The following GRM7 variants were observed in gnomAD, a reference collection of about 807,000 sequenced individuals.
GRM7 encodes the protein metabotropic glutamate receptor 7.
In GRM7, 35 loss-of-function variants were observed where a neutral mutation model predicts 84.5. The ratio of observed to expected loss-of-function variants is 0.41; its 90% CI spans 0.32 to 0.55. The LOEUF (loss-of-function observed/expected upper bound fraction) is 0.55. Among genes scored for constraint, GRM7 ranks in the 20% least tolerant of loss-of-function variants. The pLI is 0.19. For synonymous variants in GRM7, 487 were observed against 455.1 expected (o/e 1.07, Z -0.89); for missense variants, 1,003 against 1,194.6 (o/e 0.84, Z 2.36).
chr3:7,656,547 GCACACACACACACA>G (rs36040422), intron 8 of GRM7, among the ~76,000 whole-genome samples: 7 of 139,252 alleles, frequency 5.0e-5, no homozygotes, highest in African/African-American at 1.2e-4. Flanking sequence ...ATACGCGCGC[GCACACACACACACA>G]CACACACACA....
chr3:7,366,196 A>T lies in GRM7; in HGVS notation c.1034-48827A>T, dbSNP rs114147598. Among the ~76,000 whole-genome samples the T allele has an allele frequency of 6.1e-3, 933 of 151,894 alleles. 6 individuals carry two copies. Among genetic ancestry groups the T allele is most frequent in the African/African-American group, 0.021 (881 of 41,528 alleles). ...AAAAGGACTTTAACAGCCAACCCTC[A>T]TGTGTAATAGCCTAGATCTGGATTC... On this transcript the variant is annotated intron_variant, in intron 4 of 9. Coordinates refer to ENST00000357716, the MANE Select transcript of GRM7 (RefSeq NM_000844.4).
chr3:6,886,085 ATAG>A (rs1695681522), intron 1 of GRM7, among the ~76,000 whole-genome samples: 1 of 135,746 alleles, frequency 7.4e-6, no homozygotes, highest in Admixed American at 7.5e-5. Context: ...ATTGCCACAC[ATAG>A]TTACCATTGT....
chr3:7,064,481 C>CATAT (rs1697564963), intron 1 of GRM7, among the ~76,000 whole-genome samples: 1 of 56,314 alleles, frequency 1.8e-5, no homozygotes, highest in Non-Finnish European at 3.4e-5. Flanking sequence ...TATATATATA[C>CATAT]ACACATATAC....
At chr3:7,291,459 A>G (rs1447547750) in intron 2 of GRM7, among the ~76,000 whole-genome samples, 3 of 150,058 alleles carry the variant, frequency 2.0e-5, no homozygotes, top group East Asian at 2.0e-4. Flanking sequence ...ACATCACAGT[A>G]CAGACAGGGT....
chr3:6,925,366 G>T (rs1020289619), intron 1 of GRM7, among the ~76,000 whole-genome samples: 1 of 152,086 alleles, frequency 6.6e-6, no homozygotes, highest in Non-Finnish European at 1.5e-5. Flanking sequence ...TTCAAACTCA[G>T]CACCCTTCTC....
chr3:7,282,022 G>T (rs1699268417), intron 2 of GRM7, among the ~76,000 whole-genome samples: 1 of 152,150 alleles, frequency 6.6e-6, no homozygotes, highest in South Asian at 2.1e-4. Context: ...GACGGAGGTT[G>T]CAGTGAGCAG....
intron 4 of GRM7, among the ~76,000 whole-genome samples, chr3:7,336,622 A>G (rs1036211107): frequency 2.0e-5 from 3 of 152,066 alleles, no homozygotes; most frequent in African/African-American, 7.2e-5. Flanking sequence ...CACTGATGAT[A>G]TGATTGCATA....
At chr3:7,386,701 G>C (rs1201780555) in intron 4 of GRM7, among the ~76,000 whole-genome samples, 3 of 152,134 alleles carry the variant, frequency 2.0e-5, no homozygotes, top group Non-Finnish European at 4.4e-5. Context: ...GCATGACCCT[G>C]CTATTGTTAA....
intron 4 of GRM7, among the ~76,000 whole-genome samples, chr3:7,363,379 T>C (rs935378758): frequency 1.3e-5 from 2 of 152,002 alleles, no homozygotes; most frequent in African/African-American, 4.8e-5. Flanking sequence ...CAAAACAAAG[T>C]TAGAGAAAAA....
At chr3:7,618,986 T>C (rs1013262615) in intron 8 of GRM7, among the ~76,000 whole-genome samples, 1 of 152,084 alleles carries the variant, frequency 6.6e-6, no homozygotes, top group African/African-American at 2.4e-5. Context: ...TTTCAGAAAA[T>C]AGTTCTATCT....
At chr3:7,144,457 G>A (rs781246893) in intron 1 of GRM7, among the ~76,000 whole-genome samples, 3 of 152,180 alleles carry the variant, frequency 2.0e-5, no homozygotes, top group South Asian at 2.1e-4. Context: ...AAAGGAATAT[G>A]TAAAAACATT....
intron 2 of GRM7, among the ~76,000 whole-genome samples, chr3:7,222,364 A>G (rs7638255): frequency 0.016 from 2,498 of 152,028 alleles, 52 homozygotes; most frequent in African/African-American, 0.048. Flanking sequence ...CCCAACCCCC[A>G]CCGCGAACTG....
chr3:7,057,585 T>TA (rs1409051096), intron 1 of GRM7, among the ~76,000 whole-genome samples: 1 of 151,908 alleles, frequency 6.6e-6, no homozygotes, highest in Non-Finnish European at 1.5e-5. Context: ...TCATTGCGTT[T>TA]AAAAAATAAA....
At chr3:6,902,714 T>C (rs970330978) in intron 1 of GRM7, among the ~76,000 whole-genome samples, 8 of 152,120 alleles carry the variant, frequency 5.3e-5, no homozygotes, top group African/African-American at 1.9e-4. Context: ...TTAAGATAAT[T>C]TGGAGTGTCA....
intron 7 of GRM7, among the ~76,000 whole-genome samples, chr3:7,503,212 T>G (rs1184938038): frequency 6.6e-6 from 1 of 152,134 alleles, no homozygotes; most frequent in Non-Finnish European, 1.5e-5. Context: ...ATTTCAAAAT[T>G]TATTGAAAAT....
intron 2 of GRM7, among the ~76,000 whole-genome samples, chr3:7,229,752 TATATA>T (rs1559514687): frequency 6.5e-4 from 23 of 35,172 alleles, no homozygotes; most frequent in Middle Eastern, 0.015. Flanking sequence ...TATATATATA[TATATA>T]TATTTTTTTT....
intron 4 of GRM7, among the ~76,000 whole-genome samples, chr3:7,314,915 A>G (rs1266966335): frequency 6.6e-6 from 1 of 152,040 alleles, no homozygotes; most frequent in African/African-American, 2.4e-5. Flanking sequence ...CTTTCCCCTT[A>G]GTATAATGTT....
At chr3:7,668,358 C>G (rs1378655812) in intron 8 of GRM7, among the ~76,000 whole-genome samples, 2 of 152,220 alleles carry the variant, frequency 1.3e-5, no homozygotes, top group Non-Finnish European at 2.9e-5. Context: ...TAAGTCCCCT[C>G]TATTTGCCAC....
At chr3:7,270,826 A>C (rs1025762725) in intron 2 of GRM7, among the ~76,000 whole-genome samples, 3 of 152,238 alleles carry the variant, frequency 2.0e-5, no homozygotes, top group African/African-American at 7.2e-5. Flanking sequence ...CGGTGGTTTA[A>C]AAAGGGAAAA....
Sources: allele counts gnomAD v4.1 joint callset (sites outside exome capture counted in the v4.1 genomes callset), GRCh38; gene constraint gnomAD v4.1.1; transcripts MANE v1.5; gene names NCBI Gene and HGNC (gene_info 2026-07-23, HGNC 2026-07-21).